RIOK2: variants seen among roughly 807,000 people sequenced by gnomAD.
RIOK2 encodes RIO kinase 2, also known as serine/threonine-protein kinase RIO2.
Under a neutral mutation model 62.4 loss-of-function variants are expected in RIOK2, and 46 were observed. The ratio of observed to expected loss-of-function variants is 0.74; its 90% CI spans 0.58 to 0.94. The LOEUF is 0.94. Among genes scored for constraint, RIOK2 ranks in the 40% least tolerant of loss-of-function variants. The pLI, the probability that RIOK2 is intolerant of heterozygous loss-of-function variation, is 0.00. For missense variants in RIOK2, 574 were observed against 658.0 expected (o/e 0.87, Z 1.40); for synonymous variants, 197 against 216.0 (o/e 0.91, Z 0.77).
At chr5:97,180,128 A>ATATATATATATGTG (rs1561522385) in intron 1 of RIOK2, among the ~76,000 whole-genome samples, 1 of 54,516 alleles carries the variant, frequency 1.8e-5, no homozygotes, top group African/African-American at 6.8e-5. Flanking sequence ...GTGTATATGT[A>ATATATATATATGTG]TATATATATA....
At chr5:97,173,137 T>A in intron 5 of RIOK2, 38 bp downstream of exon 5, 1 of 1,400,862 alleles carries the variant, frequency 7.1e-7, no homozygotes, top group Non-Finnish European at 9.8e-7. Context: ...TAAATTCATT[T>A]ATCAGGATTC....
intron 9 of RIOK2, among the ~76,000 whole-genome samples, chr5:97,163,461 T>C (rs563121554): frequency 6.6e-6 from 1 of 152,234 alleles, no homozygotes. Flanking sequence ...TGCCACCTAG[T>C]GTCCATCATG....
In RIOK2 at chr5:97,177,802, AG is replaced by A; in HGVS notation, c.251del (p.Ala84ValfsTer2). ...CTTGCCTAGAAGAAAGTGTTTTCAA[AG>A]CTAGGTAATCATATCCTGCATTTGT... is the stretch of plus-strand genomic sequence containing the variant. Reference protein sequence around the residue: ...RLTNAGYDYLALKTLSSRQVV... With the variant: ...RLTNAGYDYLXLKTLSSRQVV... On this transcript the variant is annotated frameshift_variant, in exon 3 of 10. Transcript: ENST00000283109. LOFTEE classifies it high-confidence loss of function. The A allele has an allele frequency of 6.2e-7, 1 of 1,613,752 alleles. No individual in the cohort carries two copies. Among genetic ancestry groups the A allele is most frequent in the Non-Finnish European group, 8.5e-7 (1 of 1,179,738 alleles).
rs555352871 is a variant in RIOK2 at position 97,171,426 on chromosome 5, T to C, written c.588-29A>G. On this transcript the variant is annotated intron_variant, in intron 5 of 9. Transcript: ENST00000283109. ...AAAGTATTTTAAGCATGAAAATAGG[T>C]TACTTGTGTTCATTTACGGTTTTAA... The C allele has an allele frequency of 2.1e-5, 31 of 1,442,236 alleles. No homozygotes were observed. In the East Asian group the frequency reaches 7.6e-4, roughly 35 times the overall value. 89.3% of individuals were successfully genotyped at this position (1,442,236 alleles called of 1,614,324 possible). A position where few individuals can be genotyped will look rare whatever the true frequency, so the allele number is the denominator to read the frequency against.
chr5:97,166,481 A>T, intron 8 of RIOK2: 1 of 224,824 alleles, frequency 4.4e-6, no homozygotes, highest in Non-Finnish European at 9.2e-6. Flanking sequence ...ATGTTTAATA[A>T]ATGTATTGCT....
chr5:97,161,528 A>G lies in RIOK2; in HGVS notation c.*1533T>C, dbSNP rs941172008. On this transcript the variant is annotated 3_prime_UTR_variant, in exon 10 of 10. Coordinates refer to ENST00000283109, the MANE Select transcript of RIOK2 (RefSeq NM_018343.3). ...TATTAGTAAATCTTCAATAACTAGC[A>G]CTAATCTTTGCCCAAATGAGGTAAG... 9 of 152,196 alleles carry G rather than the reference A, an allele frequency of 5.9e-5. No homozygotes were observed. The highest frequency in any genetic ancestry group is 1.2e-4 in the Non-Finnish European group (8 of 68,030). The allele number at this position is 152,196 out of a possible 1,614,324, so 9.4% of individuals were successfully genotyped here.
chr5:97,179,399 A>G (rs1376081922), intron 1 of RIOK2, among the ~76,000 whole-genome samples: 1 of 152,208 alleles, frequency 6.6e-6, no homozygotes, highest in Non-Finnish European at 1.5e-5. Flanking sequence ...TTCCATTTCA[A>G]GAGTAGGAAC....
At chr5:97,181,578 C>G (rs2112851015) in intron 1 of RIOK2, among the ~76,000 whole-genome samples, 1 of 152,262 alleles carries the variant, frequency 6.6e-6, no homozygotes, top group East Asian at 1.9e-4. Flanking sequence ...TGAGATTCAA[C>G]TGAGACCGGA....
At position 97,177,257 on chromosome 5, in the gene RIOK2, T is replaced by G; in HGVS notation, c.357A>C (p.Gln119His). The G allele has an allele frequency of 6.2e-7, 1 of 1,612,760 alleles. No homozygotes were observed. Among genetic ancestry groups the G allele is most frequent in the Non-Finnish European group, 8.5e-7 (1 of 1,179,640 alleles). Reference protein sequence around the residue: ...IYIVANEEGQQFALKLHRLGR... With the variant: ...IYIVANEEGQHFALKLHRLGR... Reference sequence around the variant, plus strand: ...CTAGTCTGTGAAGCTTTAATGCAAATTGTTGTCCTTCTTCATTTGCAACAA... The same window carrying G: ...CTAGTCTGTGAAGCTTTAATGCAAAGTGTTGTCCTTCTTCATTTGCAACAA... Residue 119 changes from glutamine to histidine, a missense_variant, in exon 4 of 10, where the codon CAA becomes CAC. Transcript: ENST00000283109.
chr5:97,170,101 C>T (rs1748957513), intron 6 of RIOK2, among the ~76,000 whole-genome samples: 1 of 152,152 alleles, frequency 6.6e-6, no homozygotes, highest in Admixed American at 6.5e-5. Context: ...AAAACTACTT[C>T]AAGCTCAATC....
intron 8 of RIOK2, chr5:97,166,252 A>G (rs1748838422): frequency 2.2e-6 from 1 of 454,548 alleles, no homozygotes; most frequent in Non-Finnish European, 4.4e-6. Context: ...AATCCAGTCT[A>G]ATACAATCAC....
Position 97,167,464 on chromosome 5 carries a change from T to C in RIOK2, c.1397+3A>G, listed in dbSNP as rs1238401885. ...TTAAAAAGCAATCGACAGAAGTCTA[T>C]ACCTGAAAGGCCTGAATTCTCTATT... On this transcript the variant is annotated splice_donor_region_variant and intron_variant, in intron 8 of 9. Transcript: ENST00000283109. 1.9e-6 allele frequency: 3 copies of C among 1,613,316 alleles called. No homozygotes were observed. The highest frequency in any genetic ancestry group is 2.2e-5 in the East Asian group (1 of 44,866).
intron 1 of RIOK2, among the ~76,000 whole-genome samples, chr5:97,180,007 T>TA (rs1554083537): frequency 8.6e-5 from 5 of 57,898 alleles, no homozygotes; most frequent in African/African-American, 2.6e-4. Context: ...ATATATATTA[T>TA]ATATATATAA....
At position 97,183,077 on chromosome 5, in the gene RIOK2, G is replaced by A. The variant is rs201087460; in HGVS notation, c.66+49C>T. The A allele has an allele frequency of 2.9e-4, 463 of 1,592,766 alleles. 3 individuals carry two copies. Among genetic ancestry groups the A allele is most frequent in the Non-Finnish European group, 9.1e-5 (106 of 1,160,504 alleles). On this transcript the variant is annotated intron_variant, in intron 1 of 9. Coordinates refer to ENST00000283109, the MANE Select transcript of RIOK2 (RefSeq NM_018343.3). ...AGAAAACTTGCAGGAACAGGAAGAG[G>A]TCACACAGTGTTAAGGGGAAGGGAG...
At position 97,167,992 on chromosome 5, in the gene RIOK2, C is replaced by A; in HGVS notation, c.873-1G>T. ...CTCCACATCAAGAGTGTCTTCTCTC[C>A]TAGAAAAAAAAGGCGTCAAGCATAG... On this transcript the variant is annotated splice_acceptor_variant, in intron 7 of 9. Transcript: ENST00000283109. LOFTEE classifies it high-confidence loss of function. 1 of 1,571,670 alleles carries A rather than the reference C, an allele frequency of 6.4e-7. No individual in the cohort carries two copies. The highest frequency in any genetic ancestry group is 8.6e-7 in the Non-Finnish European group (1 of 1,168,300).
chr5:97,171,319 A>G lies in RIOK2; in HGVS notation c.666T>C (p.His222=), dbSNP rs532599842. 9.3e-6 allele frequency: 15 copies of G among 1,610,202 alleles called. No homozygotes were observed. The Admixed American group carries it at 1.9e-4, about 20-fold the overall frequency. ...AMELIVKLAN[H]GLIHGDFNEF... ...CATTAAAATCTCCATGAATCAGCCC[A>G]TGATTTGCAAGTTTGACAATTAGTT... Residue 222 remains histidine (H), a synonymous_variant, in exon 6 of 10, where the codon CAT becomes CAC. Transcript: ENST00000283109.
chr5:97,179,229 A>G (rs1017582489), intron 1 of RIOK2, 36 bp from the exon 2 acceptor site: 4 of 1,597,882 alleles, frequency 2.5e-6, no homozygotes, highest in Non-Finnish European at 3.4e-6. Flanking sequence ...ATCATAATCA[A>G]CACAAAGCCT....
chr5:97,183,230 A>T lies in RIOK2; in HGVS notation c.-39T>A. Reference sequence around the variant, plus strand: ...CGAACCCAGATGCCTCTCCGACGACAGCCGCAAAGCGTAAGGCAGGTCGTT... The same window carrying T: ...CGAACCCAGATGCCTCTCCGACGACTGCCGCAAAGCGTAAGGCAGGTCGTT... On this transcript the variant is annotated 5_prime_UTR_variant, in exon 1 of 10. Transcript: ENST00000283109. 6.2e-7 allele frequency: 1 copy of T among 1,609,038 alleles called. No homozygotes were observed. The highest frequency in any genetic ancestry group is 8.5e-7 in the Non-Finnish European group (1 of 1,175,486).
chr5:97,178,425 TTTCTGCAGTACCTACTTGCTC>T (rs2112843960), intron 2 of RIOK2, among the ~76,000 whole-genome samples: 1 of 29,754 alleles, frequency 3.4e-5, no homozygotes, highest in East Asian at 1.1e-3. Flanking sequence ...CCTACATGCT[TTTCTGCAGTACCTACTTGCTC>T]TTCTGCAGTA....
Sources: gnomAD v4.1 joint callset for allele counts (sites outside exome capture counted in the v4.1 genomes callset) on GRCh38, gnomAD v4.1.1 for gene constraint, MANE v1.5 for transcripts, NCBI Gene and HGNC (gene_info 2026-07-23, HGNC 2026-07-21) for gene names.